The following LRRC56 variants were observed in gnomAD, a reference collection of about 807,000 sequenced individuals.
The protein encoded by LRRC56 is leucine rich repeat containing 56.
Under a neutral mutation model 47.8 loss-of-function variants are expected in LRRC56, and 41 were observed. That is an observed-to-expected ratio of 0.86 (90% CI 0.67 to 1.11). LRRC56 has a LOEUF of 1.11. Ranked by LOEUF, LRRC56 falls within the 50% of genes most tolerant of loss-of-function variation. The pLI is 0.00. For missense variants in LRRC56, 759 were observed against 704.2 expected (o/e 1.08, Z -0.88); for synonymous variants, 387 against 311.2 (o/e 1.24, Z -2.56).
the LRRC56 span, among the ~76,000 whole-genome samples, chr11:522,556 G>A: frequency 1.7e-4 from 26 of 150,334 alleles, no homozygotes; most frequent in Admixed American, 1.1e-3. Flanking sequence ...GTGAGCCACC[G>A]CACCTGGCCA....
At chr11:509,705 G>C in the LRRC56 span, among the ~76,000 whole-genome samples, 1 of 148,328 alleles carries the variant, frequency 6.7e-6, no homozygotes, top group African/African-American at 2.5e-5. Flanking sequence ...CTGCCACCAC[G>C]CCCGGCTAAT....
chr11:533,518 G>C (rs2133986980), upstream of LRRC56: 1 of 1,613,796 alleles, frequency 6.2e-7, no homozygotes, highest in Non-Finnish European at 8.5e-7. Context: ...TCCTGAGCCT[G>C]CCGAGATTCC....
chr11:526,575 G>A, the LRRC56 span, among the ~76,000 whole-genome samples: 1 of 152,200 alleles, frequency 6.6e-6, no homozygotes, highest in Non-Finnish European at 1.5e-5. Flanking sequence ...GTCGTAACAG[G>A]CAAGATCTGG....
At chr11:531,720 G>T in the LRRC56 span, among the ~76,000 whole-genome samples, 1 of 152,244 alleles carries the variant, frequency 6.6e-6, no homozygotes, top group African/African-American at 2.4e-5. Flanking sequence ...CACCAATGAG[G>T]CAGAGGCCTG....
chr11:516,645 A>C, the LRRC56 span, among the ~76,000 whole-genome samples: 1 of 152,218 alleles, frequency 6.6e-6, no homozygotes, highest in African/African-American at 2.4e-5. Context: ...GCAGATTAAA[A>C]GACAAAAAGA....
the LRRC56 span, among the ~76,000 whole-genome samples, chr11:519,159 TAAG>T: frequency 3.4e-4 from 51 of 152,142 alleles, no homozygotes; most frequent in Non-Finnish European, 4.1e-4. Context: ...CAAGTACAAA[TAAG>T]AAGAGGGAAA....
chr11:515,014 G>A, the LRRC56 span, among the ~76,000 whole-genome samples: 6 of 152,192 alleles, frequency 3.9e-5, no homozygotes, highest in African/African-American at 4.8e-5. Flanking sequence ...AAATTGGGCC[G>A]TTTGACAGAA....
chr11:531,074 C>T, the LRRC56 span, among the ~76,000 whole-genome samples: 1 of 115,976 alleles, frequency 8.6e-6, no homozygotes, highest in Admixed American at 8.6e-5. Context: ...AGTGTGGCGT[C>T]CCCTGGAGAG....
At chr11:527,681 G>A in the LRRC56 span, among the ~76,000 whole-genome samples, 80 of 144,362 alleles carry the variant, frequency 5.5e-4, no homozygotes, top group African/African-American at 2.0e-3. Flanking sequence ...ACAGGCGCCC[G>A]CCACCACGCC....
At chr11:531,437 T>G in the LRRC56 span, among the ~76,000 whole-genome samples, 1 of 152,186 alleles carries the variant, frequency 6.6e-6, no homozygotes, top group Non-Finnish European at 1.5e-5. Context: ...CTGAGCTGTC[T>G]GTGGCTGTGG....
chr11:533,993 G>A (rs769271828), upstream of LRRC56: 25 of 1,580,250 alleles, frequency 1.6e-5, no homozygotes, highest in East Asian at 2.2e-5. Flanking sequence ...TCCGTGGGGG[G>A]AGTTCACACA....
chr11:513,105 C>T, the LRRC56 span, among the ~76,000 whole-genome samples: 1 of 152,222 alleles, frequency 6.6e-6, no homozygotes, highest in Non-Finnish European at 1.5e-5. Flanking sequence ...CTGCAGGGGC[C>T]GTCGCAGAGC....
At chr11:546,567 CA>C (rs34365475) in intron 6 of LRRC56, among the ~76,000 whole-genome samples, 54,419 of 138,208 alleles carry the variant, frequency 0.39, 10,139 homozygotes, top group African/African-American at 0.49. Context: ...GACTTCGTCT[CA>C]AAAAAAAAAA....
chr11:525,540 CCT>C, the LRRC56 span, among the ~76,000 whole-genome samples: 1 of 146,372 alleles, frequency 6.8e-6, no homozygotes, highest in Non-Finnish European at 1.5e-5. Flanking sequence ...AGAGTGAGAC[CCT>C]GTCTCAAAGA....
the LRRC56 span, among the ~76,000 whole-genome samples, chr11:513,616 A>T: frequency 6.6e-6 from 1 of 152,126 alleles, no homozygotes; most frequent in Non-Finnish European, 1.5e-5. Context: ...CTGTGGACAA[A>T]ATGCTACCAA....
In LRRC56 at chr11:541,635, T is replaced by A; in HGVS notation, c.265+11T>A. The stretch of plus-strand genomic sequence containing the variant: ...GCCTGGGGAACTTTGGTGAGCCTCT[T>A]CCCACCCCGCCATGGCCACGGCCAC... On this transcript the variant is annotated intron_variant, in intron 5 of 13. Transcript: ENST00000270115. The surrounding 1 kb of genome is among the most constrained non-coding windows in gnomAD (Gnocchi z 4.1). 6.5e-7 allele frequency: 1 copy of A among 1,539,218 alleles called. No homozygotes were observed. Among genetic ancestry groups the A allele is most frequent in the South Asian group, 1.2e-5 (1 of 82,776 alleles).
chr11:510,339 C>G, the LRRC56 span, among the ~76,000 whole-genome samples: 1 of 152,166 alleles, frequency 6.6e-6, no homozygotes, highest in African/African-American at 2.4e-5. Flanking sequence ...CGGTGGCTCA[C>G]GCCTGTAATC....
At chr11:531,897 C>T in the LRRC56 span, among the ~76,000 whole-genome samples, 1 of 152,226 alleles carries the variant, frequency 6.6e-6, no homozygotes, top group East Asian at 1.9e-4. Context: ...TGATGCCTCT[C>T]ACCGCCAAGA....
At chr11:529,895 ACTGGCCTAG>A in the LRRC56 span, 1 of 152,142 alleles carries the variant, frequency 6.6e-6, no homozygotes, top group Non-Finnish European at 1.5e-5. Context: ...CCTGCCACAC[ACTGGCCTAG>A]CTGGGCTGTC....
Sources: allele counts gnomAD v4.1 joint callset (sites outside exome capture counted in the v4.1 genomes callset), GRCh38; gene constraint gnomAD v4.1.1; non-coding constraint Gnocchi (gnomAD v3.1); transcripts MANE v1.5; gene names NCBI Gene and HGNC (gene_info 2026-07-23, HGNC 2026-07-21).